Variants in GARS1 observed in about 807,000 individuals in gnomAD.
GARS1 encodes the protein glycine--tRNA ligase.
GARS1 carries 46 observed loss-of-function variants against 86.4 expected under a neutral mutation model. That is an observed-to-expected ratio of 0.53 (90% CI 0.42 to 0.68). GARS1 has a LOEUF of 0.68. GARS1 is among the 30% of genes least tolerant of loss of function. GARS1 has a pLI of 0.00. For missense variants in GARS1, 797 were observed against 915.6 expected (o/e 0.87, Z 1.67); for synonymous variants, 342 against 329.8 (o/e 1.04, Z -0.40).
At chr7:30,617,783 ACCCTCCTGCCCCTGTGCCCTGTCAC>A (rs1782919528) in intron 10 of GARS1, among the ~76,000 whole-genome samples, 1 of 152,108 alleles carries the variant, frequency 6.6e-6, no homozygotes, top group South Asian at 2.1e-4. Flanking sequence ...ATCTCCAGGT[ACCCTCCTGCCCCTGTGCCCTGTCAC>A]CCCTCCAGCC....
At position 30,611,224 on chromosome 7, in the gene GARS1, C is replaced by G. The variant is rs376265631; in HGVS notation, c.882-872C>G. Reference sequence around the variant, plus strand: ...CTCTGGTTGAAAATATAAAATACTGCAGATAATAAAATGATTTGAAAAACA... The same window carrying G: ...CTCTGGTTGAAAATATAAAATACTGGAGATAATAAAATGATTTGAAAAACA... On this transcript the variant is annotated intron_variant, in intron 7 of 16. Transcript: ENST00000389266. Among the ~76,000 whole-genome samples the G allele has an allele frequency of 3.2e-4, 49 of 152,176 alleles. No individual in the cohort carries two copies. The South Asian group carries it at 9.5e-3, about 30-fold the overall frequency.
chr7:30,601,332 T>C (rs1791373474), intron 4 of GARS1, 132 bp downstream of exon 4: 4 of 813,904 alleles, frequency 4.9e-6, no homozygotes, highest in Non-Finnish European at 7.5e-6. Flanking sequence ...CTGAAAAATA[T>C]GGAAAAGCAA....
At chr7:30,595,928 C>T (rs1584018741) in intron 1 of GARS1, 1 of 470,928 alleles carries the variant, frequency 2.1e-6, no homozygotes, top group East Asian at 6.9e-5. Flanking sequence ...TTTGATTTTC[C>T]CGAAGGTGAG....
intron 14 of GARS1, among the ~76,000 whole-genome samples, chr7:30,630,531 T>C (rs2128136084): frequency 6.7e-6 from 1 of 150,234 alleles, no homozygotes; most frequent in South Asian, 2.1e-4. Context: ...TTTTTTTTTT[T>C]TTTTTGGTCT....
chr7:30,604,214 A>G (rs1047743668), intron 6 of GARS1, among the ~76,000 whole-genome samples: 1 of 152,186 alleles, frequency 6.6e-6, no homozygotes, highest in Non-Finnish European at 1.5e-5. Flanking sequence ...AATGTGATCA[A>G]AACTGCACGT....
chr7:30,621,956 A>T (rs1213710911), intron 11 of GARS1, among the ~76,000 whole-genome samples: 1 of 152,220 alleles, frequency 6.6e-6, no homozygotes, highest in African/African-American at 2.4e-5. Flanking sequence ...GTAGGCAGTG[A>T]AGTTATGAGC....
At chr7:30,603,652 C>G (rs1791425524) in intron 6 of GARS1, 80 bp downstream of exon 6, 1 of 997,992 alleles carries the variant, frequency 1.0e-6, no homozygotes, top group East Asian at 2.4e-5. Context: ...GTTGCATTTC[C>G]CATTATGCTG....
chr7:30,632,532 C>CTT lies in GARS1; in HGVS notation c.2094+103_2094+104dup. The CTT allele has an allele frequency of 1.6e-6, 2 of 1,260,644 alleles. No individual in the cohort carries two copies. Among genetic ancestry groups the CTT allele is most frequent in the Non-Finnish European group, 2.3e-6 (2 of 877,124 alleles). 78.1% of individuals were successfully genotyped at this position (1,260,644 alleles called of 1,614,324 possible). Reference sequence around the variant, plus strand: ...TTTTGATGTGTTTATGCTCCCTTTCCTTTTTTTTTCTTTTTAATTTTAATG... The same window carrying CTT: ...TTTTGATGTGTTTATGCTCCCTTTCCTTTTTTTTTTTCTTTTTAATTTTAATG... On this transcript the variant is annotated intron_variant, in intron 16 of 16. Coordinates refer to ENST00000389266, the MANE Select transcript of GARS1 (RefSeq NM_002047.4). The surrounding 1 kb of genome is among the most constrained non-coding windows in gnomAD (Gnocchi z 4.1).
intron 12 of GARS1, among the ~76,000 whole-genome samples, chr7:30,625,424 A>G (rs1783109433): frequency 6.6e-6 from 1 of 152,234 alleles, no homozygotes; most frequent in Non-Finnish European, 1.5e-5. Context: ...AGATTATCAC[A>G]GGTGGAAACT....
intron 7 of GARS1, among the ~76,000 whole-genome samples, chr7:30,611,747 G>A (rs1352659670): frequency 6.6e-6 from 1 of 152,188 alleles, no homozygotes; most frequent in Admixed American, 6.5e-5. Flanking sequence ...GCCTCCCAAA[G>A]TGCTGGGATT....
intron 2 of GARS1, 47 bp from the exon 3 acceptor site, chr7:30,599,900 T>TTCCCC: frequency 1.7e-6 from 2 of 1,198,668 alleles, no homozygotes; most frequent in Non-Finnish European, 2.5e-6. Flanking sequence ...AAGTTCAGAT[T>TTCCCC]CCCACCCACC....
chr7:30,626,980 CA>C (rs1192203935), intron 13 of GARS1: 51,525 of 303,878 alleles, frequency 0.17, 171 homozygotes, highest in South Asian at 0.2. Context: ...GACTCCGTCT[CA>C]AAAAAAAAAA....
intron 13 of GARS1, among the ~76,000 whole-genome samples, chr7:30,626,559 C>T (rs569522630): frequency 8.8e-4 from 134 of 152,322 alleles, no homozygotes; most frequent in African/African-American, 3.2e-3. Flanking sequence ...CCATGTTGCC[C>T]AGGCTGATCT....
chr7:30,603,707 A>C, intron 6 of GARS1, 135 bp downstream of exon 6: 1 of 695,690 alleles, frequency 1.4e-6, no homozygotes, highest in East Asian at 2.7e-5. Context: ...TCTGTCCTGT[A>C]TAGCGTCTCT....
At chr7:30,628,754 C>G in intron 14 of GARS1, 85 bp downstream of exon 14, 1 of 817,906 alleles carries the variant, frequency 1.2e-6, no homozygotes. Flanking sequence ...TAATAAGACT[C>G]TAGAATGGTC....
At chr7:30,617,343 G>A in intron 10 of GARS1, 65 bp downstream of exon 10, 1 of 1,541,140 alleles carries the variant, frequency 6.5e-7, no homozygotes, top group Non-Finnish European at 8.9e-7. Flanking sequence ...GGTACCAAAT[G>A]AATTTTTGTG....
intron 10 of GARS1, among the ~76,000 whole-genome samples, chr7:30,617,772 G>A (rs925270604): frequency 9.9e-5 from 15 of 152,102 alleles, no homozygotes; most frequent in African/African-American, 3.6e-4. Context: ...ATTCACAGAC[G>A]ATCTCCAGGT....
Position 30,598,823 on chromosome 7 carries a change from G to A in GARS1, c.250G>A (p.Asp84Asn), listed in dbSNP as rs2128132417. The change falls in exon 2 of 17, where the codon GAT becomes AAT. Residue 84 changes from aspartate (D) to asparagine (N), a missense_variant. This residue lies in a region of GARS1 where 199 missense variants were observed against 176.9 expected (regional missense o/e 1.12). Coordinates refer to ENST00000389266, the MANE Select transcript of GARS1 (RefSeq NM_002047.4). ...QGDLVRKLKE[D>N]KAPQVDVDKA... The stretch of plus-strand genomic sequence containing the variant: ...AGATCTTGTGCGAAAACTCAAAGAA[G>A]ATAAAGCACCCCAAGTAGACGTAGA... The A allele has an allele frequency of 1.9e-6, 3 of 1,614,142 alleles. No individual in the cohort carries two copies. Among genetic ancestry groups the A allele is most frequent in the Non-Finnish European group, 2.5e-6 (3 of 1,180,000 alleles).
chr7:30,606,809 C>A (rs1235609555), intron 6 of GARS1, among the ~76,000 whole-genome samples: 1 of 152,136 alleles, frequency 6.6e-6, no homozygotes, highest in Non-Finnish European at 1.5e-5. Context: ...TGTCAGTGAT[C>A]TGAGCTAGGA....
Sources: gnomAD v4.1 joint callset for allele counts (sites outside exome capture counted in the v4.1 genomes callset) on GRCh38, gnomAD v4.1.1 for gene constraint, gnomAD v4.1.1 regional missense constraint, Gnocchi (gnomAD v3.1) non-coding constraint, MANE v1.5 for transcripts, NCBI Gene and HGNC (gene_info 2026-07-23, HGNC 2026-07-21) for gene names.